PHC1: variants seen among roughly 807,000 people sequenced by gnomAD.
The protein encoded by PHC1 is polyhomeotic-like protein 1.
PHC1 carries 12 observed loss-of-function variants against 104.3 expected under a neutral mutation model. The ratio of observed to expected loss-of-function variants is 0.12; its 90% CI spans 0.07 to 0.19. The LOEUF is 0.19. Among genes scored for constraint, PHC1 ranks in the 10% least tolerant of loss-of-function variants. The pLI, the probability that PHC1 is intolerant of heterozygous loss-of-function variation, is 1.00. For synonymous variants in PHC1, 302 were observed against 455.8 expected (o/e 0.66, Z 4.30); for missense variants, 671 against 1,200.0 (o/e 0.56, Z 6.51).
Position 8,917,810 on chromosome 12 carries a change from G to A in PHC1, c.114+19G>A, listed in dbSNP as rs368849852. ...AGTGCAGGTGAGACTCAGCTCTGAG[G>A]GGCCATGGTCTGTGAGTCTTGGCTT... On this transcript the variant is annotated intron_variant, in intron 2 of 14. Transcript: ENST00000544916. 39 of 1,311,508 alleles carry A rather than the reference G, an allele frequency of 3.0e-5. 1 individual carries two copies. The highest frequency in any genetic ancestry group is 2.5e-4 in the African/African-American group (17 of 67,244). 81.2% of individuals were successfully genotyped at this position (1,311,508 alleles called of 1,614,324 possible).
At chr12:8,933,382 A>G (rs752236985) in intron 8 of PHC1, 32 bp downstream of exon 8, 16 of 1,518,620 alleles carry the variant, frequency 1.1e-5, no homozygotes, top group Middle Eastern at 1.7e-4. Flanking sequence ...TGAGGGCACT[A>G]TTATGCATGA....
At chr12:8,918,997 GT>G (rs1297629254) in intron 2 of PHC1, among the ~76,000 whole-genome samples, 2 of 152,156 alleles carry the variant, frequency 1.3e-5, no homozygotes, top group Non-Finnish European at 2.9e-5. Flanking sequence ...TGGATATGTG[GT>G]GCATGGCTGT....
chr12:8,931,830 AAAATT>A (rs1945694422), intron 7 of PHC1, among the ~76,000 whole-genome samples: 1 of 152,218 alleles, frequency 6.6e-6, no homozygotes, highest in Non-Finnish European at 1.5e-5. Flanking sequence ...TACTCACAAA[AAAATT>A]AAGAGTTAGT....
chr12:8,930,161 C>T lies in PHC1; in HGVS notation c.613-274C>T, dbSNP rs12371578. Among the ~76,000 whole-genome samples the T allele has an allele frequency of 0.083, 12,617 of 152,024 alleles. 623 individuals carry two copies. The highest frequency in any genetic ancestry group is 0.11 in the Non-Finnish European group (7,539 of 67,972). ...TGGGAGGTGCTGAATGATTGAATGGCGAGGAAAGGGATAATTGAAGAGATA... is the reference window on the plus strand; with the variant it reads ...TGGGAGGTGCTGAATGATTGAATGGTGAGGAAAGGGATAATTGAAGAGATA... On this transcript the variant is annotated intron_variant, in intron 6 of 14. Coordinates refer to ENST00000544916, the MANE Select transcript of PHC1 (RefSeq NM_004426.3).
In PHC1 at chr12:8,933,191, T is replaced by C; in HGVS notation, c.1734T>C (p.Ala578=). Residue 578 remains alanine, a synonymous_variant, in exon 8 of 15, where the codon GCT becomes GCC. Coordinates refer to ENST00000544916, the MANE Select transcript of PHC1 (RefSeq NM_004426.3). ...HLASSPPSSQ[A]PGALQECPPT... ...CCTCCTCGCCACCTTCATCCCAGGC[T>C]CCTGGTGCACTGCAGGAGTGCCCTC... 1 of 1,426,078 alleles carries C rather than the reference T, an allele frequency of 7.0e-7. No homozygotes were observed. The highest frequency in any genetic ancestry group is 1.9e-4 in the Middle Eastern group (1 of 5,274). 88.3% of individuals were successfully genotyped at this position (1,426,078 alleles called of 1,614,324 possible). A position where few individuals can be genotyped will look rare whatever the true frequency, so the allele number is the denominator to read the frequency against.
chr12:8,925,468 G>C (rs1337296642), intron 6 of PHC1, among the ~76,000 whole-genome samples: 6 of 152,168 alleles, frequency 3.9e-5, no homozygotes, highest in South Asian at 2.1e-4. Flanking sequence ...TGAGAATTTA[G>C]AAAGGGACCT....
At chr12:8,925,910 A>C (rs1945499498) in intron 6 of PHC1, among the ~76,000 whole-genome samples, 1 of 152,202 alleles carries the variant, frequency 6.6e-6, no homozygotes, top group Non-Finnish European at 1.5e-5. Flanking sequence ...AACTGTTCTA[A>C]CAGTTTAAGG....
Position 8,933,892 on chromosome 12 carries a change from C to G in PHC1, c.1921C>G (p.Arg641Gly). Residue 641 changes from arginine (R) to glycine (G), a missense_variant, in exon 9 of 15, where the codon CGC becomes GGC. Physicochemically the swap from Arg to Gly is moderately radical, Grantham distance 125. Transcript: ENST00000544916. ...TAAACCCCAGACATTGGCTGTCAAA[C>G]GCAAGGCTGACTCTGAGGAGGAGAG... is the stretch of plus-strand genomic sequence containing the variant. ...PGKPQTLAVK[R>G]KADSEEERDD... The G allele has an allele frequency of 6.2e-7, 1 of 1,613,324 alleles. No individual in the cohort carries two copies. Among genetic ancestry groups the G allele is most frequent in the Non-Finnish European group, 8.5e-7 (1 of 1,179,246 alleles).
chr12:8,930,253 A>G (rs1460906391), intron 6 of PHC1, among the ~76,000 whole-genome samples, 182 bp from the exon 7 acceptor site: 1 of 152,242 alleles, frequency 6.6e-6, no homozygotes, highest in East Asian at 1.9e-4. Context: ...CTGAAGAATC[A>G]GATACAGAGC....
At chr12:8,937,112 C>A in intron 12 of PHC1, 64 bp from the exon 13 acceptor site, 1 of 1,547,514 alleles carries the variant, frequency 6.5e-7, no homozygotes, top group Non-Finnish European at 8.9e-7. Context: ...AGCAGAAATT[C>A]ACATTTAGAG....
rs1945294979 is a variant in PHC1, at chr12:8,919,440, T to C, written c.115-316T>C. Among the ~76,000 whole-genome samples the C allele has an allele frequency of 6.6e-6, 1 of 152,118 alleles. No individual in the cohort carries two copies. ...ACCCCATCTCTAAAAATAAAAAAAATTAGCTGGACATGGTGGTGCATACCT... is the reference window on the plus strand; with the variant it reads ...ACCCCATCTCTAAAAATAAAAAAAACTAGCTGGACATGGTGGTGCATACCT... On this transcript the variant is annotated intron_variant, in intron 2 of 14. Coordinates refer to ENST00000544916, the MANE Select transcript of PHC1 (RefSeq NM_004426.3). The surrounding 1 kb of genome is among the most constrained non-coding windows in gnomAD (Gnocchi z 4.9).
Position 8,930,950 on chromosome 12 carries a change from A to G in PHC1, c.1105+23A>G. On this transcript the variant is annotated intron_variant, in intron 7 of 14. Transcript: ENST00000544916. ...CAGGTAAATTGTCATTCCTCATGTC[A>G]TTATTCTCTCAGAATTCATGTGAAA... 3.8e-6 allele frequency: 6 copies of G among 1,578,820 alleles called. No homozygotes were observed. In the South Asian group the frequency reaches 4.6e-5, roughly 12 times the overall value.
In PHC1 at chr12:8,919,633, C is replaced by G; in HGVS notation, c.115-123C>G. The G allele has an allele frequency of 1.0e-6, 1 of 971,604 alleles. No homozygotes were observed. Among genetic ancestry groups the G allele is most frequent in the South Asian group, 1.7e-5 (1 of 58,868 alleles). 60.2% of individuals were successfully genotyped at this position (971,604 alleles called of 1,614,324 possible). A position where few individuals can be genotyped will look rare whatever the true frequency, so the allele number is the denominator to read the frequency against. On this transcript the variant is annotated intron_variant, in intron 2 of 14. Coordinates refer to ENST00000544916, the MANE Select transcript of PHC1 (RefSeq NM_004426.3). The surrounding 1 kb of genome is among the most constrained non-coding windows in gnomAD (Gnocchi z 4.9). ...AAAATCAGCCGTTGACGATTTAGCC[C>G]AAACTCCCATCTCCTCTGGTTTCTG... is the stretch of plus-strand genomic sequence containing the variant.
At chr12:8,938,671 A>C (rs777519985) in intron 14 of PHC1, among the ~76,000 whole-genome samples, 1 of 152,314 alleles carries the variant, frequency 6.6e-6, no homozygotes, top group South Asian at 2.1e-4. Flanking sequence ...CCTTAAACAA[A>C]AATATCACAA....
chr12:8,926,389 G>A (rs1234532260), intron 6 of PHC1, among the ~76,000 whole-genome samples: 1 of 152,156 alleles, frequency 6.6e-6, no homozygotes, highest in Admixed American at 6.5e-5. Flanking sequence ...GGCCGAGGCG[G>A]GCGGATCACC....
In PHC1 at chr12:8,937,879, A is replaced by T. The variant is rs200809412; in HGVS notation, c.2679A>T (p.Ala893=). Residue 893 remains alanine, a synonymous_variant, in exon 14 of 15, where the codon GCA becomes GCT. Coordinates refer to ENST00000544916, the MANE Select transcript of PHC1 (RefSeq NM_004426.3). ...CAGATAATTCCAGTTATGATGAAGC[A>T]CTCTCTCCAACATCTCCTGGGCCTT... ...RGSDNSSYDE[A]LSPTSPGPLS... 5.0e-6 allele frequency: 8 copies of T among 1,612,778 alleles called. No homozygotes were observed. The African/African-American group carries it at 8.0e-5, about 16-fold the overall frequency.
At position 8,934,008 on chromosome 12, in the gene PHC1, T is replaced by C. The variant is rs917567768; in HGVS notation, c.2037T>C (p.Leu679=). The C allele has an allele frequency of 6.2e-7, 1 of 1,614,008 alleles. No individual in the cohort carries two copies. The highest frequency in any genetic ancestry group is 1.3e-5 in the African/African-American group (1 of 75,026). The change falls in exon 9 of 15, where the codon CTT becomes CTC. Residue 679 remains leucine (L), a synonymous_variant. Coordinates refer to ENST00000544916, the MANE Select transcript of PHC1 (RefSeq NM_004426.3). ...SPKVMDEKSS[L]GEKAESVANV... is the part of the protein sequence containing the mutation. ...AAGTCATGGACGAGAAGAGCAGTCTTGGAGGTGAGTAACTGACTTCTAATG... is the reference window on the plus strand; with the variant it reads ...AAGTCATGGACGAGAAGAGCAGTCTCGGAGGTGAGTAACTGACTTCTAATG...
chr12:8,915,891 G>T (rs1481373502), intron 1 of PHC1: 1 of 154,258 alleles, frequency 6.5e-6, no homozygotes, highest in Non-Finnish European at 1.5e-5. Flanking sequence ...GGAAGACGAG[G>T]GGTCATACGG....
chr12:8,937,556 TAATTGTACTC>T lies in PHC1; in HGVS notation c.2628+245_2629-249del, dbSNP rs1023978997. 8.5e-5 allele frequency among the ~76,000 whole-genome samples: 13 copies of T among 152,266 alleles called. No individual in the cohort carries two copies. In the South Asian group the frequency reaches 1.0e-3, roughly 12 times the overall value. The stretch of plus-strand genomic sequence containing the variant: ...TTACACTGTACTTGAGTACAATTGT[TAATTGTACTC>T]AATTGTACTCAATTTCTCTCAATTG... On this transcript the variant is annotated intron_variant, in intron 13 of 14. Coordinates refer to ENST00000544916, the MANE Select transcript of PHC1 (RefSeq NM_004426.3).
Sources: allele counts gnomAD v4.1 joint callset (sites outside exome capture counted in the v4.1 genomes callset), GRCh38; gene constraint gnomAD v4.1.1; non-coding constraint Gnocchi (gnomAD v3.1); transcripts MANE v1.5; gene names NCBI Gene and HGNC (gene_info 2026-07-23, HGNC 2026-07-21).